The following ATAD2B variants were observed in gnomAD, a reference collection of about 807,000 sequenced individuals.
ATAD2B encodes the protein ATPase family AAA domain-containing protein 2B.
A neutral mutation model predicts 167.6 loss-of-function variants in ATAD2B; 40 were observed. That is an observed-to-expected ratio of 0.24 (90% CI 0.19 to 0.31). The LOEUF is 0.31. Ranked by LOEUF, ATAD2B falls within the 10% of genes least tolerant of loss-of-function variation. The probability of loss-of-function intolerance (pLI) is 1.00; values close to 1 mark genes in which losing one functional copy is unlikely to be tolerated. For synonymous variants in ATAD2B, 579 were observed against 596.5 expected (o/e 0.97, Z 0.43); for missense variants, 1,242 against 1,757.2 (o/e 0.71, Z 5.24).
chr2:23,764,114 C>T (rs905842982), intron 23 of ATAD2B, among the ~76,000 whole-genome samples: 1 of 152,104 alleles, frequency 6.6e-6, no homozygotes, highest in African/African-American at 2.4e-5. Flanking sequence ...TGGGTAGATT[C>T]CTAAGAGTAG....
chr2:23,702,550 TCA>T, the ATAD2B span, among the ~76,000 whole-genome samples: 284 of 152,282 alleles, frequency 1.9e-3, 3 homozygotes, highest in African/African-American at 5.2e-3. Flanking sequence ...CTGTGCCCAC[TCA>T]GTCCTGCTTC....
intron 1 of ATAD2B, among the ~76,000 whole-genome samples, chr2:23,905,580 AATCTTAC>A (rs1701373580): frequency 6.6e-6 from 1 of 152,198 alleles, no homozygotes; most frequent in East Asian, 1.9e-4. Context: ...AGACAGGACC[AATCTTAC>A]ATTACAGCAC....
chr2:23,706,739 C>T, the ATAD2B span: 96 of 1,121,154 alleles, frequency 8.6e-5, no homozygotes, highest in Non-Finnish European at 1.0e-4. Context: ...AATTTTCCAG[C>T]GACACCAACA....
Position 23,819,268 on chromosome 2 carries a change from C to T in ATAD2B, c.2267+479G>A, listed in dbSNP as rs531400568. On this transcript the variant is annotated intron_variant, in intron 17 of 27. Transcript: ENST00000238789. ...ATCCCAGCACTTCGGGAGTCCAAAG[C>T]GGGAAGAGCACCTGAGATTCGAGAC... Among the ~76,000 whole-genome samples, 54 of 152,086 alleles carry T rather than the reference C, an allele frequency of 3.6e-4. No homozygotes were observed. The South Asian group carries it at 0.011, about 30-fold the overall frequency.
At chr2:23,693,619 C>T in the ATAD2B span, 1 of 1,301,152 alleles carries the variant, frequency 7.7e-7, no homozygotes, top group East Asian at 2.6e-5. Context: ...GGAAGTGAAC[C>T]TTCCTTGTCC....
At chr2:23,820,117 AACTC>A (rs1209442880) in intron 16 of ATAD2B, among the ~76,000 whole-genome samples, 1 of 152,088 alleles carries the variant, frequency 6.6e-6, no homozygotes, top group African/African-American at 2.4e-5. Context: ...AATTTGGAAG[AACTC>A]ACTGACTGGC....
chr2:23,830,579 A>T (rs927151784), intron 14 of ATAD2B, among the ~76,000 whole-genome samples: 1 of 152,168 alleles, frequency 6.6e-6, no homozygotes, highest in African/African-American at 2.4e-5. Context: ...TCTTGCTCAA[A>T]AAGTTGACAA....
At chr2:23,702,354 G>A in the ATAD2B span, among the ~76,000 whole-genome samples, 1 of 152,080 alleles carries the variant, frequency 6.6e-6, no homozygotes, top group African/African-American at 2.4e-5. Context: ...CTAACACAAA[G>A]CCTATTTTAT....
At chr2:23,838,598 A>G (rs898110307) in intron 13 of ATAD2B, among the ~76,000 whole-genome samples, 1 of 152,138 alleles carries the variant, frequency 6.6e-6, no homozygotes, top group Non-Finnish European at 1.5e-5. Flanking sequence ...TTACCTTCTA[A>G]AAGTGTTGTT....
chr2:23,783,014 A>G lies in ATAD2B; in HGVS notation c.2988T>C (p.Leu996=). The change falls in exon 22 of 28, where the codon CTT becomes CTC. Residue 996 remains leucine, a synonymous_variant. Transcript: ENST00000238789. ...PVDIEEVSDY[L]EVIKEPMDLS... is the part of the protein sequence containing the mutation. ...AGTCCATTGGTTCCTTGATTACTTC[A>G]AGATAATCTGAAACCTAAAACAGAT... The G allele has an allele frequency of 2.6e-6, 4 of 1,526,286 alleles. No individual in the cohort carries two copies. Among genetic ancestry groups the G allele is most frequent in the Non-Finnish European group, 3.6e-6 (4 of 1,111,548 alleles). The allele number at this position is 1,526,286 out of a possible 1,614,324, so 94.5% of individuals were successfully genotyped here. A position where few individuals can be genotyped will look rare whatever the true frequency, so the allele number is the denominator to read the frequency against.
chr2:23,736,233 C>T, the ATAD2B span, among the ~76,000 whole-genome samples: 2 of 152,130 alleles, frequency 1.3e-5, no homozygotes, highest in African/African-American at 2.4e-5. Context: ...AGGAACCCCC[C>T]CCATTGTTAC....
At chr2:23,768,772 T>C (rs558850957) in intron 22 of ATAD2B, among the ~76,000 whole-genome samples, 137 of 152,336 alleles carry the variant, frequency 9.0e-4, no homozygotes, top group African/African-American at 3.2e-3. Flanking sequence ...ATCAGGATTC[T>C]TTCACTCAGC....
intron 1 of ATAD2B, among the ~76,000 whole-genome samples, chr2:23,915,813 G>A (rs950032144): frequency 6.6e-6 from 1 of 151,434 alleles, no homozygotes; most frequent in African/African-American, 2.4e-5. Flanking sequence ...GGCTACTCTC[G>A]AACTCCTGAC....
chr2:23,861,048 G>A (rs1352839903), intron 12 of ATAD2B, among the ~76,000 whole-genome samples: 1 of 152,022 alleles, frequency 6.6e-6, no homozygotes, highest in African/African-American at 2.4e-5. Flanking sequence ...CTGGAATTAT[G>A]GCCCAGTGCA....
intron 1 of ATAD2B, chr2:23,900,749 C>G (rs531981349): frequency 6.6e-6 from 1 of 152,344 alleles, no homozygotes; most frequent in African/African-American, 2.4e-5. Flanking sequence ...TGCCCTGTCA[C>G]TGCAAGGTTC....
the ATAD2B span, among the ~76,000 whole-genome samples, chr2:23,704,722 G>A: frequency 6.6e-6 from 1 of 152,248 alleles, no homozygotes; most frequent in African/African-American, 2.4e-5. Flanking sequence ...AGCCGAGATC[G>A]CGCCACGGCA....
At chr2:23,893,685 T>TTTTA (rs1351140206) in intron 2 of ATAD2B, among the ~76,000 whole-genome samples, 2 of 145,304 alleles carry the variant, frequency 1.4e-5, no homozygotes, top group African/African-American at 5.0e-5. Flanking sequence ...TTTTTTTTTT[T>TTTTA]ACGAAGACAG....
At chr2:23,736,375 G>A in the ATAD2B span, among the ~76,000 whole-genome samples, 2 of 151,994 alleles carry the variant, frequency 1.3e-5, no homozygotes, top group Non-Finnish European at 2.9e-5. Context: ...AGATAGCAAG[G>A]AATTACCAAA....
At chr2:23,923,894 T>G (rs1704313766) in intron 1 of ATAD2B, among the ~76,000 whole-genome samples, 1 of 152,204 alleles carries the variant, frequency 6.6e-6, no homozygotes. Context: ...GTTAAGAACA[T>G]GGCACAGGCT....
Sources: gnomAD v4.1 joint callset for allele counts (sites outside exome capture counted in the v4.1 genomes callset) on GRCh38, gnomAD v4.1.1 for gene constraint, MANE v1.5 for transcripts, NCBI Gene and HGNC (gene_info 2026-07-23, HGNC 2026-07-21) for gene names.